Variants in OCA2 observed in about 807,000 individuals in gnomAD.
OCA2 encodes the protein OCA2 melanosomal transmembrane protein, also known as P protein.
OCA2 carries 77 observed loss-of-function variants against 100.2 expected under a neutral mutation model. The observed-to-expected ratio is 0.77, with a 90% CI of 0.64 to 0.93. The LOEUF is 0.93. Among genes scored for constraint, OCA2 ranks in the 40% least tolerant of loss-of-function variants. OCA2 has a pLI of 0.00. For missense variants in OCA2, 1,062 were observed against 1,089.1 expected (o/e 0.98, Z 0.35); for synonymous variants, 432 against 439.2 (o/e 0.98, Z 0.21).
At chr15:27,839,177 G>T (rs551826542) in intron 23 of OCA2, among the ~76,000 whole-genome samples, 1 of 152,070 alleles carries the variant, frequency 6.6e-6, no homozygotes, top group Non-Finnish European at 1.5e-5. Flanking sequence ...AAAAGACTAC[G>T]TAAGAAAACA....
Position 27,755,302 on chromosome 15 carries a change from A to C in OCA2, c.*86T>G. 2.0e-6 allele frequency: 2 copies of C among 987,830 alleles called. No individual in the cohort carries two copies. Among genetic ancestry groups the C allele is most frequent in the Admixed American group, 1.8e-5 (1 of 55,476 alleles). 61.2% of individuals were successfully genotyped at this position (987,830 alleles called of 1,614,324 possible). A position where few individuals can be genotyped will look rare whatever the true frequency, so the allele number is the denominator to read the frequency against. On this transcript the variant is annotated 3_prime_UTR_variant, in exon 24 of 24. Transcript: ENST00000354638. Reference sequence around the variant, plus strand: ...CCAGGGTAAGCACCTTTTCTTCTTCAAACAGTGGGGTCAGGGTAGTTTTAT... The same window carrying C: ...CCAGGGTAAGCACCTTTTCTTCTTCCAACAGTGGGGTCAGGGTAGTTTTAT...
chr15:27,904,892 G>T (rs12903902), intron 19 of OCA2, among the ~76,000 whole-genome samples: 52,087 of 152,104 alleles, frequency 0.34, 9,324 homozygotes, highest in Middle Eastern at 0.51. Flanking sequence ...GGCTGGGCAT[G>T]GTGGTTCATG....
chr15:27,801,503 G>GATCAT (rs1382574892), intron 23 of OCA2, among the ~76,000 whole-genome samples: 1 of 121,280 alleles, frequency 8.2e-6, no homozygotes, highest in Non-Finnish European at 1.6e-5. Flanking sequence ...AGTGAGCCAA[G>GATCAT]ATCATGCCAC....
At chr15:27,965,175 C>T (rs1045346633) in intron 15 of OCA2, among the ~76,000 whole-genome samples, 1 of 152,318 alleles carries the variant, frequency 6.6e-6, no homozygotes, top group South Asian at 2.1e-4. Flanking sequence ...TAAGACACAG[C>T]TGTGCACACA....
chr15:27,888,381 C>A (rs1464364607), intron 19 of OCA2, among the ~76,000 whole-genome samples: 1 of 152,096 alleles, frequency 6.6e-6, no homozygotes, highest in Admixed American at 6.5e-5. Context: ...GACAAAATAT[C>A]CAGGATACAA....
At chr15:27,949,903 G>A (rs77887539) in intron 18 of OCA2, among the ~76,000 whole-genome samples, 1,540 of 152,060 alleles carry the variant, frequency 0.01, 28 homozygotes, top group African/African-American at 0.035. Flanking sequence ...GCAGTATCTG[G>A]ATCCCCAGAT....
intron 22 of OCA2, among the ~76,000 whole-genome samples, chr15:27,847,620 G>A (rs2035586566): frequency 6.6e-6 from 1 of 152,200 alleles, no homozygotes; most frequent in Non-Finnish European, 1.5e-5. Context: ...TGGAGGTTAT[G>A]GGTCAGCCCT....
chr15:27,854,160 A>G (rs1490247802), intron 21 of OCA2, among the ~76,000 whole-genome samples: 3 of 152,228 alleles, frequency 2.0e-5, no homozygotes, highest in Non-Finnish European at 2.9e-5. Flanking sequence ...TGGGTTGGAC[A>G]GAAGATCTTG....
intron 17 of OCA2, 77 bp downstream of exon 17, chr15:27,955,081 G>A (rs893124101): frequency 2.0e-6 from 2 of 1,020,966 alleles, no homozygotes; most frequent in South Asian, 1.3e-5. Context: ...TCAGTCACGT[G>A]AGGGAAGGAA....
chr15:27,924,161 T>C (rs2038963841), intron 19 of OCA2, among the ~76,000 whole-genome samples: 4 of 152,216 alleles, frequency 2.6e-5, no homozygotes, highest in Admixed American at 2.6e-4. Context: ...GAAGATCAGA[T>C]GGTCATAGGT....
the OCA2 span, among the ~76,000 whole-genome samples, chr15:27,745,179 C>A: frequency 6.6e-6 from 1 of 152,180 alleles, no homozygotes; most frequent in South Asian, 2.1e-4. Flanking sequence ...GAAAGTGCAG[C>A]TACTCCTTAG....
At chr15:27,901,623 A>G (rs1484943656) in intron 19 of OCA2, among the ~76,000 whole-genome samples, 1 of 152,214 alleles carries the variant, frequency 6.6e-6, no homozygotes, top group Non-Finnish European at 1.5e-5. Context: ...AATAGTCACC[A>G]CCCAATGCTC....
intron 18 of OCA2, among the ~76,000 whole-genome samples, chr15:27,945,007 T>C (rs1384658024): frequency 2.6e-5 from 4 of 152,152 alleles, no homozygotes; most frequent in Non-Finnish European, 1.5e-5. Context: ...AGCGATATGG[T>C]TTTTATGTTC....
At position 27,797,156 on chromosome 15, in the gene OCA2, G is replaced by A. The variant is rs114842109; in HGVS notation, c.2433-41684C>T. ...CTTTGAGGAGCAGCTGCTGGTGAGC[G>A]GAAAGGCTTTGATCTAAAGGGCTGG... On this transcript the variant is annotated intron_variant, in intron 23 of 23. Coordinates refer to ENST00000354638, the MANE Select transcript of OCA2 (RefSeq NM_000275.3). Among the ~76,000 whole-genome samples the A allele has an allele frequency of 4.2e-3, 640 of 152,276 alleles. 7 individuals carry two copies. The highest frequency in any genetic ancestry group is 0.015 in the African/African-American group (608 of 41,552).
At chr15:27,743,912 G>A in the OCA2 span, among the ~76,000 whole-genome samples, 1 of 152,076 alleles carries the variant, frequency 6.6e-6, no homozygotes, top group Non-Finnish European at 1.5e-5. Flanking sequence ...TGGCCACCAC[G>A]TCATCGTTGC....
intron 1 of OCA2, among the ~76,000 whole-genome samples, chr15:28,095,946 T>A (rs1228216103): frequency 6.6e-6 from 1 of 152,142 alleles, no homozygotes; most frequent in East Asian, 1.9e-4. Flanking sequence ...AAATCGTCCC[T>A]AATGCGCTGC....
At chr15:27,987,427 T>C (rs1157339498) in intron 11 of OCA2, among the ~76,000 whole-genome samples, 1 of 151,908 alleles carries the variant, frequency 6.6e-6, no homozygotes, top group Non-Finnish European at 1.5e-5. Flanking sequence ...TTAAAAATAG[T>C]CTGAACTTGA....
chr15:27,860,200 T>C (rs1432224992), intron 21 of OCA2, among the ~76,000 whole-genome samples: 1 of 152,152 alleles, frequency 6.6e-6, no homozygotes, highest in Non-Finnish European at 1.5e-5. Flanking sequence ...AGGAGCAATT[T>C]TGCAAAACTC....
At chr15:27,885,343 C>G (rs932137502) in intron 19 of OCA2, among the ~76,000 whole-genome samples, 5 of 152,110 alleles carry the variant, frequency 3.3e-5, no homozygotes, top group African/African-American at 4.8e-5. Flanking sequence ...AAAGATGTCC[C>G]ACTGGCAGAG....
Sources: allele counts gnomAD v4.1 joint callset (sites outside exome capture counted in the v4.1 genomes callset), GRCh38; gene constraint gnomAD v4.1.1; transcripts MANE v1.5; gene names NCBI Gene and HGNC (gene_info 2026-07-23, HGNC 2026-07-21).